Variants in TRIM37 observed in about 807,000 individuals in gnomAD.
TRIM37 encodes tripartite motif containing 37, also known as E3 ubiquitin-protein ligase TRIM37.
A neutral mutation model predicts 129.8 loss-of-function variants in TRIM37; 80 were observed. The observed-to-expected ratio is 0.62, with a 90% CI of 0.51 to 0.74. The LOEUF is 0.74. Ranked by LOEUF, TRIM37 falls within the 30% of genes least tolerant of loss-of-function variation. TRIM37 has a pLI of 0.00. For synonymous variants in TRIM37, 389 were observed against 387.1 expected (o/e 1.00, Z -0.06); for missense variants, 1,054 against 1,176.5 (o/e 0.90, Z 1.52).
intron 5 of TRIM37, among the ~76,000 whole-genome samples, chr17:59,081,953 T>TAAAAAAAAAAAACCCCAAAAAAAAAAAAA (rs2043315025): frequency 8.8e-6 from 1 of 113,344 alleles, no homozygotes; most frequent in African/African-American, 3.9e-5. Context: ...AAAAAAAAAA[T>TAAAAAAAAAAAACCCCAAAAAAAAAAAAA]AAAAAAAAAA....
rs147720845 is a variant in TRIM37, at chr17:59,098,700, A to G, written c.123+5593T>C. Among the ~76,000 whole-genome samples, 348 of 151,492 alleles carry G rather than the reference A, an allele frequency of 2.3e-3. 4 individuals are homozygous for G. The highest frequency in any genetic ancestry group is 8.1e-3 in the African/African-American group (333 of 41,326). ...AAAAAAAAAAAAAGGCTAATTTTACATTAGGTATATTTTACCACAATTAAA... is the reference window on the plus strand; with the variant it reads ...AAAAAAAAAAAAAGGCTAATTTTACGTTAGGTATATTTTACCACAATTAAA... On this transcript the variant is annotated intron_variant, in intron 2 of 23. Transcript: ENST00000262294.
At chr17:59,040,083 T>C (rs2038984741) in intron 17 of TRIM37, among the ~76,000 whole-genome samples, 1 of 151,984 alleles carries the variant, frequency 6.6e-6, no homozygotes, top group South Asian at 2.1e-4. Context: ...TTTTGTATTT[T>C]TTTGTAGAGA....
At chr17:59,043,528 AG>A (rs1322551679) in intron 16 of TRIM37, among the ~76,000 whole-genome samples, 1 of 152,180 alleles carries the variant, frequency 6.6e-6, no homozygotes, top group Non-Finnish European at 1.5e-5. Context: ...TTCCAAGAGG[AG>A]GGCTATATTC....
chr17:59,003,596 T>C (rs985397904), intron 22 of TRIM37, among the ~76,000 whole-genome samples: 1 of 151,144 alleles, frequency 6.6e-6, no homozygotes, highest in African/African-American at 2.4e-5. Context: ...GAAGACTGAA[T>C]TTGAATGACA....
intron 5 of TRIM37, 93 bp downstream of exon 5, chr17:59,083,909 C>T (rs1015840412): frequency 2.0e-5 from 20 of 1,015,834 alleles, no homozygotes; most frequent in Middle Eastern, 2.1e-4. Context: ...TTTCATTCTA[C>T]GAGAGCATAA....
Position 59,081,214 on chromosome 17 carries a change from G to A in TRIM37, c.375C>T (p.Gly125=), listed in dbSNP as rs369706031. The A allele has an allele frequency of 8.1e-6, 13 of 1,613,058 alleles. No individual in the cohort carries two copies. The highest frequency in any genetic ancestry group is 4.4e-5 in the South Asian group (4 of 91,074). ...CTGCCAAAGGTTTAAAGGTATGTCC[G>A]CCATGCTATTTAAATTAGAGTAGCT... is the stretch of plus-strand genomic sequence containing the variant. The part of the protein sequence containing the change: ...HQCALWGGMH[G]GHTFKPLAEI... Residue 125 remains glycine (G), a synonymous_variant, in exon 6 of 24, where the codon GGC becomes GGT. Coordinates refer to ENST00000262294, the MANE Select transcript of TRIM37 (RefSeq NM_015294.6).
At chr17:59,002,889 TTTTG>T (rs961685925) in intron 22 of TRIM37, among the ~76,000 whole-genome samples, 3 of 151,910 alleles carry the variant, frequency 2.0e-5, no homozygotes, top group African/African-American at 4.8e-5. Context: ...ATGTTAAAAT[TTTTG>T]TTTGTTTTCT....
In TRIM37 at chr17:59,012,230, C is replaced by CAGCAGCAGCAGCAGCAGCAG. The variant is rs11280877; in HGVS notation, c.2695+97_2695+98insCTGCTGCTGCTGCTGCTGCT. 38 of 383,558 alleles carry CAGCAGCAGCAGCAGCAGCAG rather than the reference C, an allele frequency of 9.9e-5. No individual in the cohort carries two copies. In the African/African-American group the frequency reaches 1.9e-3, roughly 19 times the overall value. 23.8% of individuals were successfully genotyped at this position (383,558 alleles called of 1,614,324 possible). ...ATCACTACCACCAGCAGCAGCAGCA[C>CAGCAGCAGCAGCAGCAGCAG]CACCACCACCACCACCACCACCACC... On this transcript the variant is annotated intron_variant, in intron 22 of 23. Coordinates refer to ENST00000262294, the MANE Select transcript of TRIM37 (RefSeq NM_015294.6).
chr17:59,052,589 T>C (rs962274740), intron 13 of TRIM37, among the ~76,000 whole-genome samples: 1 of 152,178 alleles, frequency 6.6e-6, no homozygotes, highest in African/African-American at 2.4e-5. Flanking sequence ...ATAGTCTTTA[T>C]AGGTCAGAAG....
At chr17:59,055,893 A>G (rs1294859692) in intron 13 of TRIM37, among the ~76,000 whole-genome samples, 2 of 152,118 alleles carry the variant, frequency 1.3e-5, no homozygotes, top group African/African-American at 4.8e-5. Context: ...TTACCTGTAT[A>G]ACAAACCTAC....
chr17:59,017,267 A>T (rs372576473), intron 20 of TRIM37, 29 bp downstream of exon 20: 39 of 1,613,046 alleles, frequency 2.4e-5, no homozygotes, highest in Non-Finnish European at 3.1e-5. Context: ...TACCCCACTA[A>T]AAGTACATTC....
At chr17:58,973,868 C>G in the TRIM37 span, among the ~76,000 whole-genome samples, 31 of 146,616 alleles carry the variant, frequency 2.1e-4, no homozygotes, top group African/African-American at 5.0e-5. Context: ...AGGAGAATCA[C>G]TTGAATCTGG....
chr17:59,081,049 A>G (rs1285438024), intron 6 of TRIM37, 48 bp downstream of exon 6: 1 of 1,191,572 alleles, frequency 8.4e-7, no homozygotes. Context: ...ATATTATTAT[A>G]TATTACAGAT....
intron 19 of TRIM37, among the ~76,000 whole-genome samples, chr17:59,028,170 G>T (rs2037438231): frequency 6.6e-6 from 1 of 152,102 alleles, no homozygotes; most frequent in African/African-American, 2.4e-5. Flanking sequence ...TAGAATACAA[G>T]ATCTATGATG....
At chr17:58,996,011 AT>A (rs919968157), downstream of TRIM37, among the ~76,000 whole-genome samples, 1 of 150,422 alleles carries the variant, frequency 6.6e-6, no homozygotes, top group African/African-American at 2.4e-5. Context: ...CCAAAAAAAA[AT>A]AATAATAATA....
At chr17:58,989,921 C>T (rs1380642376) in intron 24 of TRIM37, among the ~76,000 whole-genome samples, 2 of 151,950 alleles carry the variant, frequency 1.3e-5, no homozygotes, top group East Asian at 3.9e-4. Context: ...TGAGGTGGGT[C>T]ACACCTGTAA....
chr17:59,105,809 A>G (rs1432587889), intron 1 of TRIM37, among the ~76,000 whole-genome samples: 1 of 152,222 alleles, frequency 6.6e-6, no homozygotes, highest in East Asian at 1.9e-4. Flanking sequence ...TTCCTATTTC[A>G]GTATCTGAAA....
At chr17:58,987,034 C>T (rs1265702194) in intron 24 of TRIM37, among the ~76,000 whole-genome samples, 1 of 152,162 alleles carries the variant, frequency 6.6e-6, no homozygotes, top group Non-Finnish European at 1.5e-5. Flanking sequence ...CTGTAGGATG[C>T]TGCCCCAGTC....
chr17:59,099,829 G>A (rs1599578888), intron 2 of TRIM37, among the ~76,000 whole-genome samples: 1 of 152,252 alleles, frequency 6.6e-6, no homozygotes, highest in East Asian at 1.9e-4. Context: ...TTGAGACAGA[G>A]TTTCGCTCTT....
Sources: gnomAD v4.1 joint callset for allele counts (sites outside exome capture counted in the v4.1 genomes callset) on GRCh38, gnomAD v4.1.1 for gene constraint, MANE v1.5 for transcripts, NCBI Gene and HGNC (gene_info 2026-07-23, HGNC 2026-07-21) for gene names.